Variants in CNBD1 observed in about 807,000 individuals in gnomAD.
CNBD1 encodes the protein cyclic nucleotide binding domain containing 1.
CNBD1 carries 71 observed loss-of-function variants against 54.4 expected under a neutral mutation model. That is an observed-to-expected ratio of 1.30 (90% confidence interval 1.08 to 1.59). The LOEUF (loss-of-function observed/expected upper bound fraction) is 1.59. CNBD1 is among the 40% of genes most tolerant of loss of function. The pLI is 0.00. For missense variants in CNBD1, 659 were observed against 518.0 expected (o/e 1.27, Z -2.64); for synonymous variants, 182 against 170.7 (o/e 1.07, Z -0.51).
chr8:87,101,089 G>T (rs942477870), intron 4 of CNBD1, among the ~76,000 whole-genome samples: 1 of 152,142 alleles, frequency 6.6e-6, no homozygotes, highest in Non-Finnish European at 1.5e-5. Context: ...TCAGATAAAA[G>T]TTACTAAATC....
intron 5 of CNBD1, among the ~76,000 whole-genome samples, chr8:87,206,407 T>C (rs920225721): frequency 5.9e-5 from 9 of 152,132 alleles, no homozygotes; most frequent in Admixed American, 2.0e-4. Flanking sequence ...AGACCCATAT[T>C]GTCGGGTTTA....
intron 2 of CNBD1, among the ~76,000 whole-genome samples, chr8:87,400,745 A>G (rs1807550674): frequency 6.6e-6 from 1 of 152,014 alleles, no homozygotes; most frequent in African/African-American, 2.4e-5. Context: ...CTCAAAGGAA[A>G]AAAAATTACT....
intron 2 of CNBD1, among the ~76,000 whole-genome samples, chr8:87,425,965 A>G (rs1391765426): frequency 1.3e-5 from 2 of 152,166 alleles, no homozygotes; most frequent in African/African-American, 4.8e-5. Context: ...GCTAGCAATC[A>G]GCGAGACTCA....
chr8:87,425,595 G>T (rs1373854348), intron 2 of CNBD1, among the ~76,000 whole-genome samples: 2 of 152,074 alleles, frequency 1.3e-5, no homozygotes, highest in Non-Finnish European at 2.9e-5. Flanking sequence ...GTGTCAGTGT[G>T]CCCCTGCTGG....
intron 4 of CNBD1, among the ~76,000 whole-genome samples, chr8:86,940,104 A>T (rs1346662688): frequency 6.9e-6 from 1 of 145,058 alleles, no homozygotes; most frequent in Non-Finnish European, 1.5e-5. Flanking sequence ...CTCATCCAGG[A>T]GTCTTTAAAT....
chr8:87,116,889 G>T (rs1028056622), intron 4 of CNBD1, among the ~76,000 whole-genome samples: 7 of 151,786 alleles, frequency 4.6e-5, no homozygotes, highest in Non-Finnish European at 1.0e-4. Context: ...CCTCTTCAGG[G>T]CCCCTATTTT....
At chr8:86,885,549 C>G (rs938141857) in intron 1 of CNBD1, among the ~76,000 whole-genome samples, 1 of 152,124 alleles carries the variant, frequency 6.6e-6, no homozygotes, top group Non-Finnish European at 1.5e-5. Flanking sequence ...CTCTTTGAAC[C>G]TCTTTAAACT....
At chr8:86,897,110 A>T (rs1259918527) in intron 2 of CNBD1, among the ~76,000 whole-genome samples, 2 of 152,200 alleles carry the variant, frequency 1.3e-5, no homozygotes, top group Admixed American at 1.3e-4. Context: ...TTTCGTGGGC[A>T]TGTGACTTAT....
chr8:87,207,014 T>C (rs1003412538), intron 5 of CNBD1, among the ~76,000 whole-genome samples: 1 of 152,164 alleles, frequency 6.6e-6, no homozygotes, highest in Admixed American at 6.6e-5. Flanking sequence ...TATGTGTCTA[T>C]TGAAAAAATT....
At chr8:87,083,707 G>C (rs1811043568) in intron 4 of CNBD1, among the ~76,000 whole-genome samples, 1 of 150,000 alleles carries the variant, frequency 6.7e-6, no homozygotes, top group Non-Finnish European at 1.5e-5. Context: ...TCCTGCCTCA[G>C]CCTCCCAAGT....
chr8:86,903,175 A>C (rs1170189503), intron 2 of CNBD1, among the ~76,000 whole-genome samples: 1 of 152,092 alleles, frequency 6.6e-6, no homozygotes, highest in Non-Finnish European at 1.5e-5. Flanking sequence ...GATCATAGAC[A>C]CTGAATCCAT....
intron 4 of CNBD1, among the ~76,000 whole-genome samples, chr8:87,149,575 G>A (rs1812560045): frequency 6.6e-6 from 1 of 152,092 alleles, no homozygotes; most frequent in Non-Finnish European, 1.5e-5. Context: ...TTCAGTTGGT[G>A]GCTACAGATA....
At chr8:87,398,698 A>G (rs1330355456) in intron 2 of CNBD1, among the ~76,000 whole-genome samples, 2 of 152,034 alleles carry the variant, frequency 1.3e-5, no homozygotes. Context: ...ATGGTTGGAT[A>G]TAATTCCTCT....
At chr8:86,902,485 C>G (rs1808953813) in intron 2 of CNBD1, among the ~76,000 whole-genome samples, 1 of 152,114 alleles carries the variant, frequency 6.6e-6, no homozygotes, top group Non-Finnish European at 1.5e-5. Context: ...ATGCTCTTTT[C>G]AGCTTACCAC....
intron 4 of CNBD1, among the ~76,000 whole-genome samples, chr8:87,128,395 A>G (rs577702149): frequency 6.5e-4 from 99 of 152,248 alleles, no homozygotes; most frequent in Non-Finnish European, 1.1e-3. Context: ...GCCCTCCTGC[A>G]TGCTCCCTCT....
chr8:86,893,442 C>T (rs1270589826), intron 2 of CNBD1, among the ~76,000 whole-genome samples: 1 of 152,138 alleles, frequency 6.6e-6, no homozygotes, highest in South Asian at 2.1e-4. Flanking sequence ...TCCTCCTTCT[C>T]CCATCTTCCC....
chr8:87,412,440 A>G (rs1234792772), intron 2 of CNBD1, among the ~76,000 whole-genome samples: 2 of 152,154 alleles, frequency 1.3e-5, no homozygotes, highest in Admixed American at 1.3e-4. Context: ...TGTGCCTATC[A>G]TGTGCAAGTG....
chr8:86,884,437 A>T (rs1477335657), intron 1 of CNBD1, among the ~76,000 whole-genome samples: 1 of 152,116 alleles, frequency 6.6e-6, no homozygotes, highest in African/African-American at 2.4e-5. Context: ...ATCTAATATT[A>T]TATTATTTAA....
intron 4 of CNBD1, among the ~76,000 whole-genome samples, chr8:87,181,257 T>C (rs187142280): frequency 7.9e-5 from 12 of 152,324 alleles, no homozygotes; most frequent in African/African-American, 2.9e-4. Flanking sequence ...TAACTGCACA[T>C]ATATACAGTA....
Sources: gnomAD v4.1 joint callset for allele counts (sites outside exome capture counted in the v4.1 genomes callset) on GRCh38, gnomAD v4.1.1 for gene constraint, MANE v1.5 for transcripts, NCBI Gene and HGNC (gene_info 2026-07-23, HGNC 2026-07-21) for gene names.